Variants in TMC3 observed in about 807,000 individuals in gnomAD.
The protein encoded by TMC3 is transmembrane channel-like protein 3.
In TMC3, 98 loss-of-function variants were observed where a neutral mutation model predicts 110.6. The ratio of observed to expected loss-of-function variants is 0.89; its 90% CI spans 0.75 to 1.05. TMC3 has a LOEUF of 1.05. TMC3 is among the 50% of genes least tolerant of loss of function. TMC3 has a pLI of 0.00. For synonymous variants in TMC3, 489 were observed against 513.1 expected (o/e 0.95, Z 0.63); for missense variants, 1,319 against 1,373.2 (o/e 0.96, Z 0.62).
rs375614212 is a variant in TMC3, at chr15:81,346,494, G to A, written c.1194-51C>T. Reference sequence around the variant, plus strand: ...AAACAAGACCATGGCATAGAAGTCCGTGGTTCTAGAGCCCCCACATGGTTC... The same window carrying A: ...AAACAAGACCATGGCATAGAAGTCCATGGTTCTAGAGCCCCCACATGGTTC... On this transcript the variant is annotated intron_variant, in intron 11 of 21. Coordinates refer to ENST00000359440, the MANE Select transcript of TMC3 (RefSeq NM_001080532.3). 6.0e-5 allele frequency: 94 copies of A among 1,563,984 alleles called. No homozygotes were observed. In the East Asian group the frequency reaches 1.3e-3, roughly 21 times the overall value.
At chr15:81,371,929 TTTAAA>T (rs1254982628) in intron 2 of TMC3, among the ~76,000 whole-genome samples, 1 of 152,128 alleles carries the variant, frequency 6.6e-6, no homozygotes, top group Non-Finnish European at 1.5e-5. Flanking sequence ...TCGCTTCAAC[TTTAAA>T]AAAGAAAAGA....
At chr15:81,360,859 C>T (rs1894172789) in intron 4 of TMC3, among the ~76,000 whole-genome samples, 1 of 152,064 alleles carries the variant, frequency 6.6e-6, no homozygotes, top group Admixed American at 6.5e-5. Flanking sequence ...GAGTGACAAG[C>T]AGTCCATACT....
At chr15:81,356,089 T>C (rs1253346541) in intron 8 of TMC3, among the ~76,000 whole-genome samples, 2 of 152,220 alleles carry the variant, frequency 1.3e-5, no homozygotes, top group Non-Finnish European at 1.5e-5. Context: ...TGCATTATTT[T>C]CTAAGTTAAA....
chr15:81,368,328 T>C lies in TMC3; in HGVS notation c.237A>G (p.Arg79=). The change falls in exon 3 of 22, where the codon AGA becomes AGG. Residue 79 remains arginine, a splice_region_variant and synonymous_variant. Transcript: ENST00000359440. ...WTMGQKLRAL[R]QAKNIVLKFE... ...ACTTCAGCACAATGTTCTTCGCTTGTCTAAGAGAAGAAAAACATGATGGTG... is the reference window on the plus strand; with the variant it reads ...ACTTCAGCACAATGTTCTTCGCTTGCCTAAGAGAAGAAAAACATGATGGTG... The C allele has an allele frequency of 1.2e-6, 2 of 1,612,422 alleles. No individual in the cohort carries two copies. Among genetic ancestry groups the C allele is most frequent in the Non-Finnish European group, 1.7e-6 (2 of 1,178,670 alleles).
intron 2 of TMC3, 47 bp from the exon 3 acceptor site, chr15:81,368,375 C>G (rs750910343): frequency 3.4e-6 from 5 of 1,467,624 alleles, no homozygotes; most frequent in Non-Finnish European, 4.8e-6. Flanking sequence ...ATCACACTTA[C>G]AATTTCTGCA....
rs368789364 is a variant in TMC3 at position 81,341,427 on chromosome 15, A to G, written c.1807T>C (p.Cys603Arg). The G allele has an allele frequency of 8.1e-6, 13 of 1,611,646 alleles. No individual in the cohort carries two copies. The highest frequency in any genetic ancestry group is 1.1e-5 in the Non-Finnish European group (13 of 1,178,888). The change falls in exon 16 of 22, where the codon TGC becomes CGC. Residue 603 changes from cysteine to arginine, a missense_variant. Coordinates refer to ENST00000359440, the MANE Select transcript of TMC3 (RefSeq NM_001080532.3). The stretch of plus-strand genomic sequence containing the variant: ...AATACTTGCTGGTGGGGCACATTGC[A>G]GGTCAGCACAGCCCAGCTTCTCAGG... ...MYLRSWAVLT[C>R]NVPHQQVFRA...
chr15:81,366,088 C>A (rs930886044), intron 3 of TMC3, among the ~76,000 whole-genome samples: 1 of 152,148 alleles, frequency 6.6e-6, no homozygotes, highest in African/African-American at 2.4e-5. Flanking sequence ...ATGTATTAAG[C>A]ACCTAGGTTG....
At chr15:81,340,042 C>T (rs4566117) in intron 16 of TMC3, among the ~76,000 whole-genome samples, 130,401 of 152,222 alleles carry the variant, frequency 0.86, 56,383 homozygotes, top group African/African-American at 0.92. Flanking sequence ...GATTAAGCCC[C>T]GGTCCCTGAG....
Position 81,356,543 on chromosome 15 carries a change from A to G in TMC3, c.795T>C (p.Tyr265=). 1.3e-6 allele frequency: 2 copies of G among 1,584,436 alleles called. No homozygotes were observed. Among genetic ancestry groups the G allele is most frequent in the Non-Finnish European group, 1.7e-6 (2 of 1,165,146 alleles). ...CACAGAACACCCGCCAGCAGAAGGT[A>G]TAGTTTTCATTGGAAGCACTGGCAA... ...TSLASASNEN[Y]TFCWRVFCAW... is the part of the protein sequence containing the mutation. The change falls in exon 8 of 22, where the codon TAT becomes TAC. Residue 265 remains tyrosine (Y), a synonymous_variant. Transcript: ENST00000359440.
chr15:81,361,938 G>A (rs1469542709), intron 4 of TMC3: 5 of 218,346 alleles, frequency 2.3e-5, no homozygotes, highest in South Asian at 9.8e-5. Context: ...TGATCCTTTC[G>A]GGGTTTGCAT....
intron 9 of TMC3, among the ~76,000 whole-genome samples, chr15:81,352,283 T>C (rs1330490501): frequency 6.6e-6 from 1 of 152,190 alleles, no homozygotes; most frequent in East Asian, 1.9e-4. Context: ...TCCCATATAA[T>C]GAATCTGACA....
intron 15 of TMC3, 67 bp downstream of exon 15, chr15:81,343,211 C>T: frequency 1.0e-6 from 1 of 991,166 alleles, no homozygotes; most frequent in South Asian, 1.3e-5. Context: ...CCCATCTAGA[C>T]TAAGTAAATT....
chr15:81,332,445 C>A lies in TMC3; in HGVS notation c.3277G>T (p.Asp1093Tyr). The A allele has an allele frequency of 5.0e-6, 8 of 1,609,754 alleles. No individual in the cohort carries two copies. The highest frequency in any genetic ancestry group is 6.8e-6 in the Non-Finnish European group (8 of 1,177,890). Reference sequence around the variant, plus strand: ...TAGACATCTGAACAAATCAAGTCATCCAGATCCACGGTCAGCTCCTGCCCC... The same window carrying A: ...TAGACATCTGAACAAATCAAGTCATACAGATCCACGGTCAGCTCCTGCCCC... The part of the protein sequence containing the change: ...KSGQELTVDL[D>Y]DLICSDV The change falls in exon 22 of 22, where the codon GAT becomes TAT. Residue 1093 changes from aspartate (D) to tyrosine (Y), a missense_variant. By Grantham distance (160) the Asp-to-Tyr change is radical (BLOSUM62 -3). Transcript: ENST00000359440.
At chr15:81,370,985 CT>C (rs146751564) in intron 2 of TMC3, among the ~76,000 whole-genome samples, 3 of 149,200 alleles carry the variant, frequency 2.0e-5, no homozygotes, top group Non-Finnish European at 3.0e-5. Context: ...GAACCTATGT[CT>C]TTTTTTTTTA....
At chr15:81,343,527 T>C (rs1893757114) in intron 14 of TMC3, among the ~76,000 whole-genome samples, 182 bp from the exon 15 acceptor site, 1 of 152,184 alleles carries the variant, frequency 6.6e-6, no homozygotes. Context: ...TTGTAGCTTA[T>C]GCCTGTAATC....
At chr15:81,364,707 AAAAAAAT>A (rs1449345182) in intron 3 of TMC3, among the ~76,000 whole-genome samples, 2 of 135,022 alleles carry the variant, frequency 1.5e-5, no homozygotes, top group Non-Finnish European at 3.1e-5. Flanking sequence ...TTCCAAAAAA[AAAAAAAT>A]AAAAAATAAA....
At chr15:81,347,399 A>G (rs1172377794) in intron 11 of TMC3, among the ~76,000 whole-genome samples, 2 of 152,198 alleles carry the variant, frequency 1.3e-5, no homozygotes, top group African/African-American at 2.4e-5. Context: ...CAGTGGGCAG[A>G]GAAACAGGAA....
intron 7 of TMC3, among the ~76,000 whole-genome samples, chr15:81,357,483 A>G (rs1303381789): frequency 6.6e-6 from 1 of 151,950 alleles, no homozygotes; most frequent in Non-Finnish European, 1.5e-5. Flanking sequence ...TAGCTCCCAC[A>G]CGGAAGACCT....
chr15:81,352,908 C>A (rs1256059945), intron 9 of TMC3, among the ~76,000 whole-genome samples: 1 of 152,226 alleles, frequency 6.6e-6, no homozygotes, highest in Non-Finnish European at 1.5e-5. Flanking sequence ...CGACCTCTGC[C>A]TCCTGGGTTC....
Sources: gnomAD v4.1 joint callset for allele counts (sites outside exome capture counted in the v4.1 genomes callset) on GRCh38, gnomAD v4.1.1 for gene constraint, MANE v1.5 for transcripts, NCBI Gene and HGNC (gene_info 2026-07-23, HGNC 2026-07-21) for gene names.